The following TAS1R1 variants were observed in gnomAD, a reference collection of about 807,000 sequenced individuals.
TAS1R1 encodes the protein taste 1 receptor member 1.
TAS1R1 carries 31 observed loss-of-function variants against 45.8 expected under a neutral mutation model. The ratio of observed to expected loss-of-function variants is 0.68; its 90% confidence interval spans 0.51 to 0.91. The LOEUF (loss-of-function observed/expected upper bound fraction) is 0.91. TAS1R1 is among the 40% of genes least tolerant of loss of function. The pLI is 0.00. For synonymous variants in TAS1R1, 437 were observed against 448.4 expected (o/e 0.97, Z 0.32); for missense variants, 1,051 against 1,063.9 (o/e 0.99, Z 0.17).
chr1:6,578,963 G>C lies in TAS1R1; in HGVS notation c.1905G>C (p.Gln635His). The C allele has an allele frequency of 6.2e-7, 1 of 1,614,168 alleles. No individual in the cohort carries two copies. Among genetic ancestry groups the C allele is most frequent in the Non-Finnish European group, 8.5e-7 (1 of 1,180,012 alleles). ...CAAGGCCTGCGTGCTTGCTACGCCA[G>C]GCCCTCTTTGCCCTTGGTTTCACCA... is the stretch of plus-strand genomic sequence containing the variant. ...EPTRPACLLR[Q>H]ALFALGFTIF... The change falls in exon 6 of 6, where the codon CAG becomes CAC. Residue 635 changes from glutamine to histidine, a missense_variant. Transcript: ENST00000333172.
chr1:6,557,717 G>A (rs1253703042), intron 1 of TAS1R1, among the ~76,000 whole-genome samples: 1 of 152,186 alleles, frequency 6.6e-6, no homozygotes, highest in Non-Finnish European at 1.5e-5. Flanking sequence ...GATTCTAGGT[G>A]AGCCACTGGG....
At chr1:6,565,281 C>A (rs1205707820) in intron 1 of TAS1R1, among the ~76,000 whole-genome samples, 1 of 151,100 alleles carries the variant, frequency 6.6e-6, no homozygotes, top group South Asian at 2.1e-4. Context: ...TGGTTGGATG[C>A]GGGATGGAGA....
At chr1:6,559,010 G>C (rs1329858792) in intron 1 of TAS1R1, among the ~76,000 whole-genome samples, 1 of 150,556 alleles carries the variant, frequency 6.6e-6, no homozygotes, top group Non-Finnish European at 1.5e-5. Context: ...TCCTGCCTCA[G>C]CCTCCGGAAT....
In TAS1R1 at chr1:6,579,734, G is replaced by A. The variant is rs1369244548; in HGVS notation, c.*150G>A. The A allele has an allele frequency of 2.7e-6, 3 of 1,095,670 alleles. No individual in the cohort carries two copies. 67.9% of individuals were successfully genotyped at this position (1,095,670 alleles called of 1,614,324 possible). On this transcript the variant is annotated 3_prime_UTR_variant, in exon 6 of 6. Transcript: ENST00000333172. ...GAGAGCCTAGACCAGGCTCCGGGCT[G>A]CCAATAAAGAAGTGAAATGCGTATC...
chr1:6,574,942 CGTG>C lies in TAS1R1; in HGVS notation c.813_815del (p.Val273del), dbSNP rs748571001. 39 of 1,610,596 alleles carry C rather than the reference CGTG, an allele frequency of 2.4e-5. No individual in the cohort carries two copies. The highest frequency in any genetic ancestry group is 3.2e-5 in the Non-Finnish European group (38 of 1,177,288). ...ACCTGGCCCAGGCCGGGGCCACCGT[CGTG>C]GTTGTTTTTTCCAGCCGGCAGTTGG... On this transcript the variant is annotated inframe_deletion, in exon 3 of 6. Transcript: ENST00000333172. The surrounding 1 kb of genome is among the most constrained non-coding windows in gnomAD (Gnocchi z 4.3).
At position 6,576,996 on chromosome 1, in the gene TAS1R1, G is replaced by A. The variant is rs35118458; in HGVS notation, c.1520G>A (p.Arg507Gln). The A allele has an allele frequency of 0.024, 38,630 of 1,614,234 alleles. 570 individuals carry two copies. The highest frequency in any genetic ancestry group is 0.028 in the Non-Finnish European group (32,465 of 1,180,036). Residue 507 changes from arginine to glutamine, a missense_variant, in exon 5 of 6, where the codon CGA becomes CAA. Coordinates refer to ENST00000333172, the MANE Select transcript of TAS1R1 (RefSeq NM_138697.4). The part of the protein sequence containing the change: ...CSSDCLEGHQ[R>Q]VVTGFHHCCF... ...AGCGACTGTCTTGAAGGGCACCAGC[G>A]AGTGGTTACGGGTTTCCATCACTGC...
intron 5 of TAS1R1, among the ~76,000 whole-genome samples, chr1:6,577,776 C>G (rs935718822): frequency 1.3e-5 from 2 of 152,016 alleles, no homozygotes; most frequent in African/African-American, 4.8e-5. Context: ...TGCAGTGAGC[C>G]AAGATTGCAC....
chr1:6,571,318 G>A, intron 2 of TAS1R1, 103 bp downstream of exon 2: 2 of 1,280,324 alleles, frequency 1.6e-6, no homozygotes, highest in Admixed American at 2.6e-5. Flanking sequence ...CTGCCCCCTG[G>A]ATCTCTTGGG....
rs749966806 is a variant in TAS1R1, at chr1:6,577,044, G to T, written c.1568G>T (p.Gly523Val). ...TGCTGCTTTGAGTGTGTGCCCTGTG[G>T]GGCTGGGACCTTCCTCAACAAGAGT... ...HHCCFECVPC[G>V]AGTFLNKSDL... is the part of the protein sequence containing the mutation. Residue 523 changes from glycine to valine, a missense_variant, in exon 5 of 6, where the codon GGG (glycine) becomes GTG (valine). By Grantham distance (109) the Gly-to-Val change is moderately radical (BLOSUM62 -3). Coordinates refer to ENST00000333172, the MANE Select transcript of TAS1R1 (RefSeq NM_138697.4). 1.2e-6 allele frequency: 2 copies of T among 1,614,096 alleles called. No individual in the cohort carries two copies. The highest frequency in any genetic ancestry group is 2.7e-5 in the African/African-American group (2 of 74,944).
chr1:6,558,202 A>G (rs1289231537), intron 1 of TAS1R1, among the ~76,000 whole-genome samples: 4 of 151,786 alleles, frequency 2.6e-5, no homozygotes, highest in Non-Finnish European at 2.9e-5. Flanking sequence ...ACTTACCGCT[A>G]ATTTTTTAAA....
chr1:6,564,558 G>A lies in TAS1R1; in HGVS notation c.192-6351G>A, dbSNP rs188735091. Among the ~76,000 whole-genome samples the A allele has an allele frequency of 7.9e-5, 12 of 152,264 alleles. No individual in the cohort carries two copies. The East Asian group carries it at 2.3e-3, about 29-fold the overall frequency. On this transcript the variant is annotated intron_variant, in intron 1 of 5. Transcript: ENST00000333172. ...TTCAAGAGTGAGTTTGGTTAACTGA[G>A]TTTTAAGGATGCCATTTGCCCTTTC... is the stretch of plus-strand genomic sequence containing the variant.
At chr1:6,558,798 A>C (rs1399665081) in intron 1 of TAS1R1, among the ~76,000 whole-genome samples, 1 of 151,892 alleles carries the variant, frequency 6.6e-6, no homozygotes, top group African/African-American at 2.4e-5. Flanking sequence ...GGCTCACTGC[A>C]ACCTCTGCCT....
At chr1:6,566,682 A>G (rs1430861835) in intron 1 of TAS1R1, among the ~76,000 whole-genome samples, 1 of 151,606 alleles carries the variant, frequency 6.6e-6, no homozygotes, top group Non-Finnish European at 1.5e-5. Flanking sequence ...TGCAAGCTCC[A>G]CCTCCCAGGT....
chr1:6,571,729 AG>A (rs1426030423), intron 2 of TAS1R1, among the ~76,000 whole-genome samples: 1 of 152,158 alleles, frequency 6.6e-6, no homozygotes, highest in East Asian at 1.9e-4. Context: ...CTGAGACAGG[AG>A]AATTGCTGGA....
chr1:6,573,242 A>T (rs933577615), intron 2 of TAS1R1, among the ~76,000 whole-genome samples: 4 of 152,178 alleles, frequency 2.6e-5, no homozygotes, highest in African/African-American at 9.7e-5. Flanking sequence ...GCAGCTCATG[A>T]GGTCAGGAGT....
Position 6,574,579 on chromosome 1 carries a change from A to C in TAS1R1, c.499-52A>C, listed in dbSNP as rs993930517. 9.3e-5 allele frequency: 145 copies of C among 1,555,306 alleles called. No individual in the cohort carries two copies. Among genetic ancestry groups the C allele is most frequent in the African/African-American group, 1.5e-4 (11 of 73,918 alleles). ...CCCCACACCCAGCACAGGGCCAGGC[A>C]CTGGGGGGGCCTTCAGTGGAGACTG... On this transcript the variant is annotated intron_variant, in intron 2 of 5. Transcript: ENST00000333172. This position sits in a 1 kb window ranked among gnomAD's most constrained non-coding sequence, Gnocchi z 4.3.
chr1:6,575,272 C>A lies in TAS1R1; in HGVS notation c.1140C>A (p.Ala380=), dbSNP rs1640135341. 6.2e-7 allele frequency: 1 copy of A among 1,613,184 alleles called. No homozygotes were observed. Among genetic ancestry groups the A allele is most frequent in the South Asian group, 1.1e-5 (1 of 91,088 alleles). The change falls in exon 3 of 6, where the codon GCC becomes GCA. Residue 380 remains alanine, a synonymous_variant. Transcript: ENST00000333172. ...CACACACGATGCCCAAGCTCAAAGCCTTCTCCATGAGTTCTGCCTACAACG... is the reference window on the plus strand; with the variant it reads ...CACACACGATGCCCAAGCTCAAAGCATTCTCCATGAGTTCTGCCTACAACG... ...FMAHTMPKLK[A]FSMSSAYNAY...
intron 1 of TAS1R1, among the ~76,000 whole-genome samples, chr1:6,558,741 G>A (rs1244583223): frequency 6.6e-6 from 1 of 150,514 alleles, no homozygotes; most frequent in Non-Finnish European, 1.5e-5. Flanking sequence ...TATATTTTGA[G>A]ACAGTCTCCC....
At chr1:6,573,201 G>A (rs1477295017) in intron 2 of TAS1R1, among the ~76,000 whole-genome samples, 3 of 152,242 alleles carry the variant, frequency 2.0e-5, no homozygotes, top group Non-Finnish European at 4.4e-5. Flanking sequence ...GCTCACGCCT[G>A]TAATCCCAGC....
Sources: gnomAD v4.1 joint callset for allele counts (sites outside exome capture counted in the v4.1 genomes callset) on GRCh38, gnomAD v4.1.1 for gene constraint, Gnocchi (gnomAD v3.1) non-coding constraint, MANE v1.5 for transcripts, NCBI Gene and HGNC (gene_info 2026-07-23, HGNC 2026-07-21) for gene names.